Variants in MYO5B observed in about 807,000 individuals in gnomAD.
MYO5B encodes the protein myosin VB.
MYO5B carries 143 observed loss-of-function variants against 229.3 expected under a neutral mutation model. That is an observed-to-expected ratio of 0.62 (90% CI 0.54 to 0.72). MYO5B has a LOEUF of 0.72. MYO5B is among the 30% of genes least tolerant of loss of function. The pLI, the probability that MYO5B is intolerant of heterozygous loss-of-function variation, is 0.00. For synonymous variants in MYO5B, 918 were observed against 885.2 expected, an observed-to-expected ratio of 1.04 and a Z score of -0.66; for missense variants, 2,321 against 2,331.0, an observed-to-expected ratio of 1.00 and a Z score of 0.09.
At chr18:50,137,699 C>T (rs576144414) in intron 1 of MYO5B, among the ~76,000 whole-genome samples, 2 of 152,238 alleles carry the variant, frequency 1.3e-5, no homozygotes, top group Non-Finnish European at 2.9e-5. Flanking sequence ...GACTGCTGTA[C>T]TATTCACAAT....
intron 3 of MYO5B, among the ~76,000 whole-genome samples, chr18:50,038,159 C>T (rs1374001168): frequency 6.6e-6 from 1 of 152,168 alleles, no homozygotes. Flanking sequence ...TTCAGACAAA[C>T]AGAGATATGC....
rs375528867 is a variant in MYO5B, at chr18:49,843,226, G to A, written c.4611+15C>T. The A allele has an allele frequency of 5.6e-6, 9 of 1,613,356 alleles. No individual in the cohort carries two copies. The highest frequency in any genetic ancestry group is 1.3e-5 in the African/African-American group (1 of 74,894). ...TACCCACCACAAACCATGACCTTCT[G>A]CAGGGGCTGCTTACTTTCAGGACTT... On this transcript the variant is annotated intron_variant, in intron 34 of 39. Coordinates refer to ENST00000285039, the MANE Select transcript of MYO5B (RefSeq NM_001080467.3).
Position 49,944,586 on chromosome 18 carries a change from T to C in MYO5B, c.1753-7189A>G, listed in dbSNP as rs746333818. ...TGCAACTTGATAGCCGTGTGGCCCA[T>C]GGCAAACCTCTCAGGCTTACTAGAT... On this transcript the variant is annotated intron_variant, in intron 14 of 39. Transcript: ENST00000285039. 2.7e-4 allele frequency among the ~76,000 whole-genome samples: 41 copies of C among 152,082 alleles called. 1 individual carries two copies. The highest frequency in any genetic ancestry group is 5.1e-4 in the Non-Finnish European group (35 of 68,024).
At chr18:49,906,739 C>T (rs1052217315) in intron 18 of MYO5B, 109 bp from the exon 19 acceptor site, 2 of 951,930 alleles carry the variant, frequency 2.1e-6, no homozygotes, top group East Asian at 2.5e-5. Context: ...AGACTTCATG[C>T]ACCCCTCTCT....
intron 17 of MYO5B, among the ~76,000 whole-genome samples, chr18:49,914,404 G>C (rs190560776): frequency 6.6e-6 from 1 of 152,298 alleles, no homozygotes; most frequent in East Asian, 1.9e-4. Flanking sequence ...GATATTAAAA[G>C]AGAGTAAGTG....
At chr18:50,030,694 C>T (rs980160953) in intron 4 of MYO5B, among the ~76,000 whole-genome samples, 1 of 151,788 alleles carries the variant, frequency 6.6e-6, no homozygotes, top group African/African-American at 2.4e-5. Flanking sequence ...TCCTCACCAG[C>T]TCCACCCTCC....
chr18:50,138,989 T>C (rs2032377882), intron 1 of MYO5B, among the ~76,000 whole-genome samples: 1 of 130,542 alleles, frequency 7.7e-6, no homozygotes, highest in Non-Finnish European at 1.7e-5. Context: ...CCCAGGACCC[T>C]GTTCTCAACT....
At chr18:49,994,916 G>A (rs80123507) in intron 5 of MYO5B, among the ~76,000 whole-genome samples, 2,869 of 152,204 alleles carry the variant, frequency 0.019, 93 homozygotes, top group African/African-American at 0.064. Flanking sequence ...TCCTGGGCTG[G>A]GCCCCTTATA....
Position 49,894,921 on chromosome 18 carries a change from C to A in MYO5B, c.3045+20G>T. 1 of 1,605,524 alleles carries A rather than the reference C, an allele frequency of 6.2e-7. No homozygotes were observed. Among genetic ancestry groups the A allele is most frequent in the Non-Finnish European group, 8.5e-7 (1 of 1,175,414 alleles). ...CACCCACTCTGCTTGCCAGCGCCTG[C>A]CCCTCTGGCCTGAGCATACCTTCCT... is the stretch of plus-strand genomic sequence containing the variant. On this transcript the variant is annotated intron_variant, in intron 22 of 39. Transcript: ENST00000285039.
chr18:49,902,562 C>T (rs748720618), intron 21 of MYO5B, 32 bp downstream of exon 21: 13 of 1,606,310 alleles, frequency 8.1e-6, no homozygotes, highest in South Asian at 6.6e-5. Context: ...CCCAAGCCCC[C>T]GACACCCAGG....
intron 17 of MYO5B, among the ~76,000 whole-genome samples, chr18:49,927,440 C>A (rs1173382177): frequency 1.4e-5 from 2 of 138,082 alleles, no homozygotes; most frequent in African/African-American, 6.2e-5. Flanking sequence ...AACAAAAAAA[C>A]AAAACAAAAC....
In MYO5B at chr18:50,016,791, G is replaced by A. The variant is rs2144351704; in HGVS notation, c.456-15380C>T. 2.0e-5 allele frequency among the ~76,000 whole-genome samples: 3 copies of A among 151,506 alleles called. No homozygotes were observed. The Middle Eastern group carries it at 0.01, about 515-fold the overall frequency. On this transcript the variant is annotated intron_variant, in intron 4 of 39. Transcript: ENST00000285039. Reference sequence around the variant, plus strand: ...AGAAACCCCACACCCATTACCAGTTGCTTCTCATTGCCTACCAATCCCCAG... The same window carrying A: ...AGAAACCCCACACCCATTACCAGTTACTTCTCATTGCCTACCAATCCCCAG...
At chr18:50,193,626 G>C (rs1045356908) in intron 1 of MYO5B, among the ~76,000 whole-genome samples, 1 of 152,198 alleles carries the variant, frequency 6.6e-6, no homozygotes, top group Non-Finnish European at 1.5e-5. Context: ...GCATACCCAC[G>C]CAACGCGCGT....
intron 1 of MYO5B, among the ~76,000 whole-genome samples, chr18:50,177,160 TAA>T (rs397972316): frequency 2.0e-5 from 3 of 152,210 alleles, no homozygotes; most frequent in East Asian, 1.9e-4. Context: ...CTTATTTTTT[TAA>T]AAAAGTTGGT....
intron 1 of MYO5B, among the ~76,000 whole-genome samples, chr18:50,128,490 G>A (rs1213056444): frequency 6.6e-6 from 1 of 152,178 alleles, no homozygotes; most frequent in Non-Finnish European, 1.5e-5. Flanking sequence ...GAAAAGCCTG[G>A]AGCCCAGGAG....
At chr18:50,092,145 CAA>C in intron 1 of MYO5B, among the ~76,000 whole-genome samples, 1 of 152,052 alleles carries the variant, frequency 6.6e-6, no homozygotes, top group Non-Finnish European at 1.5e-5. Context: ...CCAGCAGAAA[CAA>C]AGAAGAATCC....
chr18:49,909,346 G>C (rs1376536379), intron 18 of MYO5B, among the ~76,000 whole-genome samples: 2 of 152,234 alleles, frequency 1.3e-5, no homozygotes, highest in African/African-American at 4.8e-5. Context: ...TACTCAATCA[G>C]ACTGGATCAG....
At chr18:49,874,550 CA>C (rs754204288) in intron 26 of MYO5B, among the ~76,000 whole-genome samples, 4 of 151,980 alleles carry the variant, frequency 2.6e-5, no homozygotes, top group East Asian at 1.9e-4. Flanking sequence ...ACTTACTGCT[CA>C]GGGGGAAAAA....
intron 20 of MYO5B, 23 bp from the exon 21 acceptor site, chr18:49,902,856 A>C (rs754569431): frequency 4.0e-5 from 64 of 1,597,752 alleles, no homozygotes; most frequent in Non-Finnish European, 1.8e-5. Flanking sequence ...AAGGATACAC[A>C]TCTTGTGGGT....
Sources: gnomAD v4.1 joint callset for allele counts (sites outside exome capture counted in the v4.1 genomes callset) on GRCh38, gnomAD v4.1.1 for gene constraint, MANE v1.5 for transcripts, NCBI Gene and HGNC (gene_info 2026-07-23, HGNC 2026-07-21) for gene names.